Variants in CHRDL1 observed in about 807,000 individuals in gnomAD.
The protein encoded by CHRDL1 is chordin like 1, also known as chordin-like protein 1.
CHRDL1 carries 19 observed loss-of-function variants against 40.9 expected under a neutral mutation model. The ratio of observed to expected loss-of-function variants is 0.46; its 90% CI spans 0.32 to 0.68. CHRDL1 has a LOEUF of 0.68. Ranked by LOEUF, CHRDL1 falls within the 30% of genes least tolerant of loss-of-function variation. The pLI is 0.03. For missense variants in CHRDL1, 329 were observed against 352.1 expected (o/e 0.93, Z 0.53); for synonymous variants, 136 against 123.4 (o/e 1.10, Z -0.68).
intron 4 of CHRDL1, among the ~76,000 whole-genome samples, chrX:110,733,224 T>C (rs1384174471): frequency 9.0e-6 from 1 of 111,583 alleles, no homozygotes; most frequent in East Asian, 2.8e-4. Context: ...CAACTGCTTG[T>C]GAGTAAGCAC....
chrX:110,793,323 A>G (rs1199932047), intron 1 of CHRDL1, among the ~76,000 whole-genome samples: 1 of 112,253 alleles, frequency 8.9e-6, no homozygotes, highest in Non-Finnish European at 1.9e-5. Flanking sequence ...GGGTCATTCA[A>G]AATCCACTGT....
chrX:110,752,080 T>C (rs1187486783), intron 4 of CHRDL1, among the ~76,000 whole-genome samples: 1 of 111,823 alleles, frequency 8.9e-6, no homozygotes, highest in Non-Finnish European at 1.9e-5. Context: ...GTTGATCTCA[T>C]AGAAACAGAA....
intron 9 of CHRDL1, among the ~76,000 whole-genome samples, chrX:110,688,221 C>T (rs1435782964): frequency 9.0e-6 from 1 of 110,949 alleles, no homozygotes; most frequent in Non-Finnish European, 1.9e-5. Context: ...ACCTGCCTCT[C>T]GTCCTGTCTT....
At chrX:110,779,495 G>A (rs2089906632) in intron 2 of CHRDL1, among the ~76,000 whole-genome samples, 1 of 111,584 alleles carries the variant, frequency 9.0e-6, no homozygotes, top group African/African-American at 3.2e-5. Context: ...CTTTGTTAAA[G>A]ATCAGTTGAT....
intron 2 of CHRDL1, among the ~76,000 whole-genome samples, chrX:110,778,506 C>T (rs2148527311): frequency 8.9e-6 from 1 of 112,111 alleles, no homozygotes; most frequent in East Asian, 2.8e-4. Context: ...AAAATGTGCT[C>T]AGTATCACTG....
chrX:110,706,288 C>T (rs187429988), intron 6 of CHRDL1, among the ~76,000 whole-genome samples: 8 of 112,018 alleles, frequency 7.1e-5, no homozygotes, highest in Admixed American at 1.9e-4. Flanking sequence ...CTAATGGATT[C>T]AGATGGATTC....
chrX:110,793,507 G>A (rs2090134480), intron 1 of CHRDL1, among the ~76,000 whole-genome samples: 3 of 111,609 alleles, frequency 2.7e-5, no homozygotes, highest in African/African-American at 9.8e-5. Context: ...TGATGTCTTG[G>A]TCCCCTCTGT....
intron 4 of CHRDL1, among the ~76,000 whole-genome samples, chrX:110,734,656 T>C (rs1234339363): frequency 4.5e-5 from 5 of 112,048 alleles, no homozygotes; most frequent in African/African-American, 1.6e-4. Context: ...CAGCAAAACG[T>C]GAGGGCTAGA....
chrX:110,766,994 G>A (rs1006159240), intron 2 of CHRDL1, among the ~76,000 whole-genome samples: 9 of 112,007 alleles, frequency 8.0e-5, no homozygotes, highest in East Asian at 2.8e-4. Context: ...AATCCACCAC[G>A]ATCAAGTAGG....
In CHRDL1 at chrX:110,679,342, T is replaced by C. The variant is rs1462290191; in HGVS notation, c.1240A>G (p.Thr414Ala). 8.4e-7 allele frequency: 1 copy of C among 1,189,357 alleles called. No homozygotes were observed. Among genetic ancestry groups the C allele is most frequent in the Non-Finnish European group, 1.1e-6 (1 of 875,082 alleles). The change falls in exon 11 of 12, where the codon ACC (threonine) becomes GCC (alanine). Residue 414 changes from threonine to alanine, a missense_variant. By Grantham distance (58) the Thr-to-Ala change is moderately conservative (BLOSUM62 0). Transcript: ENST00000372042. ...CAAGAGAAGTACTACTTACTCAGGG[T>C]TGTTCTGGTCACCAGCTTGAAGTGA... is the stretch of plus-strand genomic sequence containing the variant. ...LPHFKLVTRT[T>A]LSQWKIFTEG...
At position 110,689,967 on chromosome X, in the gene CHRDL1, CTA is replaced by C. The variant is rs763306344; in HGVS notation, c.779-1166_779-1165del. Among the ~76,000 whole-genome samples, 29 of 21,463 alleles carry C rather than the reference CTA, an allele frequency of 1.4e-3. 8 individuals are homozygous for C. The highest frequency in any genetic ancestry group is 3.4e-3 in the African/African-American group (6 of 1,766). The allele number at this position is 21,463 out of a possible 115,157, so 18.6% of individuals were successfully genotyped here. The stretch of plus-strand genomic sequence containing the variant: ...TATATATCTATATATATCTATATAT[CTA>C]TATATATCTATATATCTATATATAT... On this transcript the variant is annotated intron_variant, in intron 8 of 11. Coordinates refer to ENST00000372042, the MANE Select transcript of CHRDL1 (RefSeq NM_001143981.2).
chrX:110,710,373 T>C (rs757986638), intron 6 of CHRDL1, among the ~76,000 whole-genome samples: 2 of 111,948 alleles, frequency 1.8e-5, no homozygotes, highest in East Asian at 5.6e-4. Flanking sequence ...GAAGAAATAA[T>C]TGCTCTGAAA....
At chrX:110,745,284 G>A (rs2071432016) in intron 4 of CHRDL1, among the ~76,000 whole-genome samples, 1 of 111,619 alleles carries the variant, frequency 9.0e-6, no homozygotes, top group African/African-American at 3.3e-5. Context: ...GGGACTGCAA[G>A]AGAGGAAAGG....
At chrX:110,683,080 A>G (rs1479516877) in intron 9 of CHRDL1, among the ~76,000 whole-genome samples, 2 of 112,390 alleles carry the variant, frequency 1.8e-5, no homozygotes, top group Admixed American at 9.5e-5. Flanking sequence ...TATAGCTGAC[A>G]TGAAATCCAT....
chrX:110,697,234 C>T (rs1005033000), intron 7 of CHRDL1, among the ~76,000 whole-genome samples: 1 of 110,166 alleles, frequency 9.1e-6, no homozygotes, highest in African/African-American at 3.3e-5. Context: ...GTTGAAAAAT[C>T]CCCACTATTG....
intron 4 of CHRDL1, among the ~76,000 whole-genome samples, chrX:110,733,443 G>A (rs2148479153): frequency 9.0e-6 from 1 of 111,552 alleles, no homozygotes; most frequent in South Asian, 3.8e-4. Context: ...AGCCCCCAGG[G>A]CCCATCAAAC....
chrX:110,714,201 T>G (rs2070796854), intron 6 of CHRDL1, among the ~76,000 whole-genome samples: 1 of 110,998 alleles, frequency 9.0e-6, no homozygotes, highest in Admixed American at 9.6e-5. Flanking sequence ...GTCTGTTACT[T>G]CCTTCTTTGT....
At chrX:110,728,710 G>C (rs977821607) in intron 4 of CHRDL1, among the ~76,000 whole-genome samples, 12 of 112,219 alleles carry the variant, frequency 1.1e-4, no homozygotes, top group African/African-American at 3.9e-4. Flanking sequence ...GTTGCTAGTG[G>C]GAAATCACCC....
In CHRDL1 at chrX:110,785,188, G is replaced by A. The variant is rs373332710; in HGVS notation, c.94+6900C>T. Among the ~76,000 whole-genome samples, 92 of 111,444 alleles carry A rather than the reference G, an allele frequency of 8.3e-4. 2 individuals are homozygous for A. The highest frequency in any genetic ancestry group is 3.0e-3 in the African/African-American group (92 of 30,657). ...AACTTCTCACAATAGAATCAAATTTGCATATCCTGCAACTCGTGTCTAAAC... is the reference window on the plus strand; with the variant it reads ...AACTTCTCACAATAGAATCAAATTTACATATCCTGCAACTCGTGTCTAAAC... On this transcript the variant is annotated intron_variant, in intron 2 of 11. Coordinates refer to ENST00000372042, the MANE Select transcript of CHRDL1 (RefSeq NM_001143981.2).
Sources: gnomAD v4.1 joint callset for allele counts (sites outside exome capture counted in the v4.1 genomes callset) on GRCh38, gnomAD v4.1.1 for gene constraint, MANE v1.5 for transcripts, NCBI Gene and HGNC (gene_info 2026-07-23, HGNC 2026-07-21) for gene names.